The following GALK2 variants were observed in gnomAD, a reference collection of about 807,000 sequenced individuals.
GALK2 encodes N-acetylgalactosamine kinase.
GALK2 carries 36 observed loss-of-function variants against 52.4 expected under a neutral mutation model. That is an observed-to-expected ratio of 0.69 (90% CI 0.53 to 0.91). The LOEUF (loss-of-function observed/expected upper bound fraction) is 0.91, where lower values mean the gene tolerates loss of function less well. Ranked by LOEUF, GALK2 falls within the 40% of genes least tolerant of loss-of-function variation. The probability of loss-of-function intolerance (pLI) is 0.00; values close to 1 mark genes in which losing one functional copy is unlikely to be tolerated. For synonymous variants in GALK2, 176 were observed against 199.1 expected (o/e 0.88, Z 0.98); for missense variants, 579 against 559.1 (o/e 1.04, Z -0.36).
At position 49,230,792 on chromosome 15, in the gene GALK2, T is replaced by A. The variant is rs866107150; in HGVS notation, c.267-5059T>A. On this transcript the variant is annotated intron_variant, in intron 3 of 9. Transcript: ENST00000560031. ...ATGTAAGTGGAAAGTATTAATGTAA[T>A]AATGGGTCATGTCTGCTCATTTTCA... Among the ~76,000 whole-genome samples, 11 of 152,186 alleles carry A rather than the reference T, an allele frequency of 7.2e-5. No homozygotes were observed. The South Asian group carries it at 1.7e-3, about 23-fold the overall frequency.
chr15:49,226,893 A>T (rs8028302), intron 3 of GALK2, among the ~76,000 whole-genome samples: 79 of 152,330 alleles, frequency 5.2e-4, no homozygotes, highest in Non-Finnish European at 9.1e-4. Flanking sequence ...CAGTATCACA[A>T]GTTCCTCTTT....
intron 1 of GALK2, among the ~76,000 whole-genome samples, chr15:49,158,216 C>T (rs1377937164): frequency 6.6e-6 from 1 of 152,102 alleles, no homozygotes; most frequent in Non-Finnish European, 1.5e-5. Context: ...ATAGGCATCA[C>T]TACTTCCCAG....
At chr15:49,354,001 T>C (rs191450436) in intron 3 of GALK2, 188 of 152,342 alleles carry the variant, frequency 1.2e-3, no homozygotes, top group African/African-American at 4.3e-3. Flanking sequence ...ATTATATAAA[T>C]AATGGTAAAA....
intron 2 of GALK2, among the ~76,000 whole-genome samples, chr15:49,206,491 A>G (rs185654426): frequency 2.5e-4 from 38 of 152,072 alleles, no homozygotes; most frequent in Admixed American, 2.1e-3. Context: ...TGTGTTGTCT[A>G]TGATTTCTTT....
intron 8 of GALK2, among the ~76,000 whole-genome samples, chr15:49,308,622 G>T (rs1427253005): frequency 2.6e-5 from 4 of 152,152 alleles, no homozygotes; most frequent in Admixed American, 6.5e-5. Context: ...GTGATATGAG[G>T]CTACGTGGAG....
rs535690744 is a variant in GALK2 at position 49,292,034 on chromosome 15, A to G, written c.757-293A>G. On this transcript the variant is annotated intron_variant, in intron 7 of 9. Coordinates refer to ENST00000560031, the MANE Select transcript of GALK2 (RefSeq NM_002044.4). Reference sequence around the variant, plus strand: ...TATTCAAAGAAACAGCCCTGAGGGAAAGTGGTGACAGGCCAAAAAAAAAAT... The same window carrying G: ...TATTCAAAGAAACAGCCCTGAGGGAGAGTGGTGACAGGCCAAAAAAAAAAT... Among the ~76,000 whole-genome samples the G allele has an allele frequency of 3.9e-5, 6 of 152,190 alleles. No individual in the cohort carries two copies. The East Asian group carries it at 1.2e-3, about 29-fold the overall frequency.
intron 3 of GALK2, among the ~76,000 whole-genome samples, chr15:49,232,676 C>G (rs867811742): frequency 2.0e-5 from 3 of 152,324 alleles, no homozygotes; most frequent in Middle Eastern, 3.4e-3. Flanking sequence ...AAGCAGCAGG[C>G]TATATCTTGA....
intron 3 of GALK2, among the ~76,000 whole-genome samples, chr15:49,230,390 G>GC (rs2090435565): frequency 6.6e-6 from 1 of 152,076 alleles, no homozygotes; most frequent in Non-Finnish European, 1.5e-5. Flanking sequence ...CTTTACCCAC[G>GC]CTGAAGAGCC....
chr15:49,283,476 G>T, intron 6 of GALK2, 90 bp from the exon 7 acceptor site: 3 of 1,185,402 alleles, frequency 2.5e-6, no homozygotes, highest in Admixed American at 2.3e-5. Flanking sequence ...ATGCATTTTT[G>T]ACAAAACACT....
chr15:49,180,151 A>C (rs2085849290), intron 1 of GALK2, among the ~76,000 whole-genome samples: 1 of 152,166 alleles, frequency 6.6e-6, no homozygotes, highest in Non-Finnish European at 1.5e-5. Flanking sequence ...TTTCATTAAG[A>C]CACATTTTAG....
upstream of GALK2, among the ~76,000 whole-genome samples, chr15:49,166,666 C>T (rs968696696): frequency 2.0e-5 from 3 of 152,078 alleles, no homozygotes; most frequent in South Asian, 2.1e-4. Context: ...GCCGAGATCG[C>T]GCCATTGCAC....
intron 5 of GALK2, among the ~76,000 whole-genome samples, chr15:49,243,219 G>A (rs535430300): frequency 9.8e-4 from 149 of 152,210 alleles, no homozygotes; most frequent in African/African-American, 3.4e-3. Context: ...ATCTTTGCAG[G>A]AGTCTCTGGA....
intron 5 of GALK2, among the ~76,000 whole-genome samples, chr15:49,262,709 G>A (rs975443014): frequency 6.9e-6 from 1 of 145,844 alleles, no homozygotes; most frequent in African/African-American, 2.6e-5. Flanking sequence ...GGCATTTAGT[G>A]CTATAAATTT....
intron 1 of GALK2, among the ~76,000 whole-genome samples, chr15:49,174,735 T>A (rs1344640187): frequency 1.3e-5 from 2 of 152,060 alleles, no homozygotes; most frequent in Non-Finnish European, 2.9e-5. Context: ...CTATATATAT[T>A]ATAAATATAG....
intron 3 of GALK2, among the ~76,000 whole-genome samples, chr15:49,343,236 T>A (rs922781716): frequency 3.9e-5 from 6 of 152,168 alleles, no homozygotes; most frequent in South Asian, 4.1e-4. Flanking sequence ...ATTCTTTTTT[T>A]AATTTTTTGT....
intron 8 of GALK2, among the ~76,000 whole-genome samples, chr15:49,295,823 T>A (rs1046184070): frequency 6.6e-6 from 1 of 152,228 alleles, no homozygotes. Flanking sequence ...ATAATTCTTA[T>A]CTTCTGCTTA....
intron 5 of GALK2, among the ~76,000 whole-genome samples, chr15:49,251,915 T>C (rs1432046363): frequency 6.6e-6 from 1 of 152,204 alleles, no homozygotes; most frequent in Non-Finnish European, 1.5e-5. Context: ...TCCAATGTAA[T>C]ATATACATAT....
intron 8 of GALK2, chr15:49,318,075 G>C (rs1233678672): frequency 6.6e-6 from 1 of 151,582 alleles, no homozygotes; most frequent in East Asian, 1.9e-4. Flanking sequence ...AAAAATTATA[G>C]ACTTTTTGAT....
rs539867082 is a variant in GALK2 at position 49,186,205 on chromosome 15, C to T, written c.54-14957C>T. Reference sequence around the variant, plus strand: ...CTTTGAATAAACGTCCTATCCCAGTCTCTCTCACTCTCTATGCTTTTTCAG... The same window carrying T: ...CTTTGAATAAACGTCCTATCCCAGTTTCTCTCACTCTCTATGCTTTTTCAG... On this transcript the variant is annotated intron_variant, in intron 1 of 9. Coordinates refer to ENST00000560031, the MANE Select transcript of GALK2 (RefSeq NM_002044.4). Among the ~76,000 whole-genome samples the T allele has an allele frequency of 2.6e-5, 4 of 152,146 alleles. No individual in the cohort carries two copies. The South Asian group carries it at 6.2e-4, about 24-fold the overall frequency.
Sources: gnomAD v4.1 joint callset for allele counts (sites outside exome capture counted in the v4.1 genomes callset) on GRCh38, gnomAD v4.1.1 for gene constraint, MANE v1.5 for transcripts, NCBI Gene and HGNC (gene_info 2026-07-23, HGNC 2026-07-21) for gene names.